Variants in SPIDR observed in about 807,000 individuals in gnomAD.
SPIDR encodes the protein scaffold protein involved in DNA repair, also known as DNA repair-scaffolding protein.
A neutral mutation model predicts 104.6 loss-of-function variants in SPIDR; 93 were observed. That is an observed-to-expected ratio of 0.89 (90% confidence interval 0.75 to 1.06). The LOEUF (loss-of-function observed/expected upper bound fraction) is 1.06, where lower values mean the gene tolerates loss of function less well. SPIDR is among the 50% of genes least tolerant of loss of function. The pLI is 0.00. For synonymous variants in SPIDR, 431 were observed against 416.9 expected (o/e 1.03, Z -0.41); for missense variants, 1,154 against 1,111.2 (o/e 1.04, Z -0.55).
At chr8:47,565,993 T>TATATATATA (rs1491137131) in intron 8 of SPIDR, among the ~76,000 whole-genome samples, 1 of 28,822 alleles carries the variant, frequency 3.5e-5, no homozygotes, top group Non-Finnish European at 7.1e-5. Context: ...TATATATATA[T>TATATATATA]TTTTTTTTTT....
chr8:47,602,063 C>T (rs149316416), intron 10 of SPIDR, among the ~76,000 whole-genome samples: 18 of 152,312 alleles, frequency 1.2e-4, no homozygotes, highest in Middle Eastern at 3.4e-3. Flanking sequence ...TATCTGCCTT[C>T]GAGACACATT....
intron 10 of SPIDR, among the ~76,000 whole-genome samples, chr8:47,600,213 A>G (rs1284822565): frequency 3.3e-5 from 5 of 152,250 alleles, no homozygotes; most frequent in Admixed American, 2.6e-4. Flanking sequence ...AAGAAATAGT[A>G]CTTAACAATC....
chr8:47,667,595 A>G (rs2075151673), intron 10 of SPIDR, among the ~76,000 whole-genome samples: 1 of 152,182 alleles, frequency 6.6e-6, no homozygotes, highest in South Asian at 2.1e-4. Flanking sequence ...TAATAGAATA[A>G]GTCCAAAGAA....
chr8:47,374,618 G>A (rs1554641171), intron 5 of SPIDR, among the ~76,000 whole-genome samples: 1 of 152,006 alleles, frequency 6.6e-6, no homozygotes, highest in African/African-American at 2.4e-5. Flanking sequence ...TCCATCCCAG[G>A]GCTCTTCATG....
chr8:47,714,251 A>G (rs1014477291), intron 16 of SPIDR, among the ~76,000 whole-genome samples: 2 of 152,150 alleles, frequency 1.3e-5, no homozygotes, highest in Non-Finnish European at 2.9e-5. Flanking sequence ...GGATGGACTT[A>G]GGGAAATCGG....
chr8:47,505,659 G>A lies in SPIDR; in HGVS notation c.1097+65117G>A, dbSNP rs999340354. Among the ~76,000 whole-genome samples, 11 of 151,664 alleles carry A rather than the reference G, an allele frequency of 7.3e-5. No individual in the cohort carries two copies. In the East Asian group the frequency reaches 1.6e-3, roughly 21 times the overall value. ...CCCACTTTCCGATACTCCCCAGTGCGATACCTCAGTTGGAAATGCAGAAAT... is the reference window on the plus strand; with the variant it reads ...CCCACTTTCCGATACTCCCCAGTGCAATACCTCAGTTGGAAATGCAGAAAT... On this transcript the variant is annotated intron_variant, in intron 8 of 19. Transcript: ENST00000297423.
chr8:47,352,124 A>G (rs2053611943), intron 5 of SPIDR, among the ~76,000 whole-genome samples: 1 of 152,006 alleles, frequency 6.6e-6, no homozygotes, highest in African/African-American at 2.4e-5. Flanking sequence ...TAAAAATACA[A>G]AAATTATCCG....
At chr8:47,373,557 C>CA (rs1209680083) in intron 5 of SPIDR, among the ~76,000 whole-genome samples, 1 of 151,412 alleles carries the variant, frequency 6.6e-6, no homozygotes, top group Admixed American at 6.6e-5. Flanking sequence ...GCAGAACATG[C>CA]AGTTTTGTTA....
intron 9 of SPIDR, among the ~76,000 whole-genome samples, chr8:47,596,393 G>T (rs1396114206): frequency 2.0e-5 from 3 of 152,184 alleles, no homozygotes; most frequent in Non-Finnish European, 4.4e-5. Context: ...AGGCTATATG[G>T]TATGGCTGAT....
intron 8 of SPIDR, among the ~76,000 whole-genome samples, chr8:47,588,596 G>A (rs1456213395): frequency 6.6e-6 from 1 of 151,902 alleles, no homozygotes; most frequent in Non-Finnish European, 1.5e-5. Flanking sequence ...TAGAACTTCT[G>A]GTACTATGTT....
rs1420713099 is a variant in SPIDR at position 47,440,033 on chromosome 8, G to A, written c.878-290G>A. On this transcript the variant is annotated intron_variant, in intron 7 of 19. Transcript: ENST00000297423. Reference sequence around the variant, plus strand: ...TAAAACGCATGCTCCTTAAAATGACGGGTCTAAGGTTTCTATTTGTACAGG... The same window carrying A: ...TAAAACGCATGCTCCTTAAAATGACAGGTCTAAGGTTTCTATTTGTACAGG... Among the ~76,000 whole-genome samples the A allele has an allele frequency of 4.6e-5, 7 of 152,130 alleles. No individual in the cohort carries two copies. In the South Asian group the frequency reaches 1.2e-3, roughly 27 times the overall value.
intron 14 of SPIDR, among the ~76,000 whole-genome samples, chr8:47,707,564 T>G (rs535196776): frequency 2.1e-4 from 32 of 152,242 alleles, no homozygotes; most frequent in Non-Finnish European, 4.4e-4. Flanking sequence ...TAATGATTTT[T>G]CTTAACATAG....
rs1239230637 is a variant in SPIDR, at chr8:47,260,941, C to T, written c.-18C>T. On this transcript the variant is annotated 5_prime_UTR_variant, in exon 1 of 20. Coordinates refer to ENST00000297423, the MANE Select transcript of SPIDR (RefSeq NM_001080394.4). ...CGGCGCGCTGAGGAGGCGGTGCGCT[C>T]AGGCGGCGCTCCCGGAGATGCCCCG... The T allele has an allele frequency of 1.6e-6, 2 of 1,228,016 alleles. No individual in the cohort carries two copies. The highest frequency in any genetic ancestry group is 2.0e-6 in the Non-Finnish European group (2 of 985,454). The allele number at this position is 1,228,016 out of a possible 1,614,324, so 76.1% of individuals were successfully genotyped here.
At chr8:47,305,726 A>T (rs2042986448) in intron 5 of SPIDR, among the ~76,000 whole-genome samples, 3 of 152,190 alleles carry the variant, frequency 2.0e-5, no homozygotes, top group African/African-American at 7.2e-5. Flanking sequence ...AGTTAGAATA[A>T]AATGATATGA....
At chr8:47,510,621 TGTA>T (rs1326582350) in intron 8 of SPIDR, among the ~76,000 whole-genome samples, 2 of 152,042 alleles carry the variant, frequency 1.3e-5, no homozygotes, top group Non-Finnish European at 2.9e-5. Context: ...TTGTGTATAA[TGTA>T]GTTGCACAAA....
At chr8:47,480,045 A>C (rs2076721975) in intron 8 of SPIDR, among the ~76,000 whole-genome samples, 1 of 152,160 alleles carries the variant, frequency 6.6e-6, no homozygotes, top group Non-Finnish European at 1.5e-5. Context: ...AAGTAAAATA[A>C]TATCTTGGAG....
intron 5 of SPIDR, among the ~76,000 whole-genome samples, chr8:47,312,934 A>C (rs1257518451): frequency 1.3e-5 from 2 of 152,176 alleles, no homozygotes; most frequent in Admixed American, 6.5e-5. Flanking sequence ...TCAGCTTTCT[A>C]CATATGGCTA....
chr8:47,481,313 CTG>C (rs1554726909), intron 8 of SPIDR, among the ~76,000 whole-genome samples: 1 of 152,114 alleles, frequency 6.6e-6, no homozygotes, highest in Non-Finnish European at 1.5e-5. Context: ...AAGTGAAAAA[CTG>C]AGAGTTGTAA....
chr8:47,662,304 G>A (rs1182056451), intron 10 of SPIDR, among the ~76,000 whole-genome samples: 1 of 152,224 alleles, frequency 6.6e-6, no homozygotes, highest in Non-Finnish European at 1.5e-5. Context: ...GGCAGCCACT[G>A]TGGGTGTTGA....
Sources: gnomAD v4.1 joint callset for allele counts (sites outside exome capture counted in the v4.1 genomes callset) on GRCh38, gnomAD v4.1.1 for gene constraint, MANE v1.5 for transcripts, NCBI Gene and HGNC (gene_info 2026-07-23, HGNC 2026-07-21) for gene names.